OCIAD1: variants seen among roughly 807,000 people sequenced by gnomAD.
OCIAD1 encodes the protein OCIA domain-containing protein 1.
A neutral mutation model predicts 38.9 loss-of-function variants in OCIAD1; 29 were observed. The ratio of observed to expected loss-of-function variants is 0.74; its 90% CI spans 0.55 to 1.02. OCIAD1 has a LOEUF of 1.02. Ranked by LOEUF, OCIAD1 falls within the 50% of genes least tolerant of loss-of-function variation. The pLI is 0.00. For missense variants in OCIAD1, 288 were observed against 289.6 expected, an observed-to-expected ratio of 0.99 and a Z score of 0.04; for synonymous variants, 110 against 92.0, an observed-to-expected ratio of 1.20 and a Z score of -1.12.
At chr4:48,823,389 G>C (rs559594823) in intron 1 of OCIAD1, among the ~76,000 whole-genome samples, 2 of 151,990 alleles carry the variant, frequency 1.3e-5, no homozygotes, top group Non-Finnish European at 2.9e-5. Flanking sequence ...GGGACCTGTT[G>C]GTGGGGGGGT....
At chr4:48,837,263 GT>G (rs34817961) in intron 3 of OCIAD1, 67,734 of 138,566 alleles carry the variant, frequency 0.49, 16,096 homozygotes, top group South Asian at 0.59. Flanking sequence ...GTAAGCCATC[GT>G]TTTTTTTTTT....
intron 8 of OCIAD1, among the ~76,000 whole-genome samples, chr4:48,859,164 G>A (rs998275908): frequency 1.3e-5 from 2 of 152,118 alleles, no homozygotes; most frequent in South Asian, 2.1e-4. Context: ...CGGTTGCTTC[G>A]TTTGGAGTTC....
intron 1 of OCIAD1, 24 bp from the exon 2 acceptor site, chr4:48,832,596 T>C: frequency 6.3e-7 from 1 of 1,585,986 alleles, no homozygotes; most frequent in Non-Finnish European, 8.7e-7. Flanking sequence ...TTCTAATACT[T>C]AATATGTAAT....
At chr4:48,810,413 G>A (rs1403596453) in intron 1 of OCIAD1, among the ~76,000 whole-genome samples, 1 of 145,422 alleles carries the variant, frequency 6.9e-6, no homozygotes, top group Non-Finnish European at 1.5e-5. Context: ...AGCTTGCAGT[G>A]AGCCAAGATC....
At chr4:48,858,764 C>G (rs747493123) in intron 8 of OCIAD1, among the ~76,000 whole-genome samples, 4 of 152,262 alleles carry the variant, frequency 2.6e-5, no homozygotes, top group Admixed American at 6.5e-5. Context: ...CTTTCTTGTA[C>G]ATTTGTGAAT....
chr4:48,848,260 G>T, intron 4 of OCIAD1, 139 bp from the exon 5 acceptor site: 1 of 438,292 alleles, frequency 2.3e-6, no homozygotes. Flanking sequence ...GAATTCATTT[G>T]GTTTTCCCTA....
At chr4:48,851,704 A>C (rs1579100853) in intron 6 of OCIAD1, 102 bp from the exon 7 acceptor site, 2 of 568,682 alleles carry the variant, frequency 3.5e-6, no homozygotes, top group South Asian at 6.3e-5. Flanking sequence ...ATATGTATAT[A>C]TAATTTTGGA....
chr4:48,848,023 C>T (rs1410292683), intron 4 of OCIAD1, among the ~76,000 whole-genome samples: 1 of 148,962 alleles, frequency 6.7e-6, no homozygotes, highest in Non-Finnish European at 1.5e-5. Flanking sequence ...TCATATCTTT[C>T]ATTAGATTTG....
At chr4:48,831,510 A>G (rs1579045327) in intron 1 of OCIAD1, 1 of 1,290,618 alleles carries the variant, frequency 7.7e-7, no homozygotes, top group Non-Finnish European at 1.0e-6. Flanking sequence ...GGAGACGGAC[A>G]CTGGGTGGAG....
At chr4:48,851,777 T>G in intron 6 of OCIAD1, 29 bp from the exon 7 acceptor site, 1 of 1,340,556 alleles carries the variant, frequency 7.5e-7, no homozygotes, top group Non-Finnish European at 1.1e-6. Context: ...GACTCATATT[T>G]CTTACTACAA....
At chr4:48,820,278 G>C (rs938773075) in intron 1 of OCIAD1, among the ~76,000 whole-genome samples, 3 of 152,144 alleles carry the variant, frequency 2.0e-5, no homozygotes, top group African/African-American at 7.2e-5. Context: ...CATGGAAATT[G>C]AACAATCTCC....
chr4:48,807,192 G>T (rs1477625520), intron 1 of OCIAD1, among the ~76,000 whole-genome samples: 1 of 152,030 alleles, frequency 6.6e-6, no homozygotes, highest in Admixed American at 6.6e-5. Context: ...CAGTGCTTAT[G>T]AATTTGTTTA....
chr4:48,821,431 C>T (rs1385346257), intron 1 of OCIAD1, among the ~76,000 whole-genome samples: 1 of 152,228 alleles, frequency 6.6e-6, no homozygotes, highest in Non-Finnish European at 1.5e-5. Flanking sequence ...ATGACAAACG[C>T]ATAGCCAATA....
At chr4:48,834,512 A>G (rs540468807) in intron 3 of OCIAD1, among the ~76,000 whole-genome samples, 2 of 152,234 alleles carry the variant, frequency 1.3e-5, no homozygotes, top group South Asian at 4.1e-4. Context: ...CCTCATGGCT[A>G]TAATTGCAGC....
Position 48,860,773 on chromosome 4 carries a change from C to T in OCIAD1, c.*11C>T, listed in dbSNP as rs749490941. On this transcript the variant is annotated 3_prime_UTR_variant, in exon 9 of 9. Transcript: ENST00000264312. ...ACTTGGGATGAGTGAAAAATTACAT[C>T]ATTGGACATGAAGGAGTTTCAACAT... is the stretch of plus-strand genomic sequence containing the variant. The T allele has an allele frequency of 1.9e-6, 3 of 1,597,772 alleles. No individual in the cohort carries two copies. The highest frequency in any genetic ancestry group is 1.3e-5 in the African/African-American group (1 of 74,392).
intron 3 of OCIAD1, among the ~76,000 whole-genome samples, chr4:48,836,020 AG>A: frequency 6.6e-6 from 1 of 152,166 alleles, no homozygotes; most frequent in Non-Finnish European, 1.5e-5. Context: ...CATAGTAATG[AG>A]TTAAAGGTTT....
intron 3 of OCIAD1, among the ~76,000 whole-genome samples, chr4:48,835,080 TG>T (rs1777863064): frequency 2.0e-5 from 3 of 152,164 alleles, no homozygotes; most frequent in Non-Finnish European, 2.9e-5. Context: ...ACTACAGGCG[TG>T]CGCCACCATG....
In OCIAD1 at chr4:48,860,968, T is replaced by G. The variant is rs538250125; in HGVS notation, c.*206T>G. The G allele has an allele frequency of 5.5e-6, 3 of 545,620 alleles. No individual in the cohort carries two copies. The highest frequency in any genetic ancestry group is 3.7e-5 in the Admixed American group (1 of 26,792). 33.8% of individuals were successfully genotyped at this position (545,620 alleles called of 1,614,324 possible). ...TGTGTAAATGTACTCACCTTAGGGA[T>G]TCATTTGAATGATGGTATTATACCA... is the stretch of plus-strand genomic sequence containing the variant. On this transcript the variant is annotated 3_prime_UTR_variant, in exon 9 of 9. Transcript: ENST00000264312.
chr4:48,807,477 G>A (rs1209386620), intron 1 of OCIAD1, among the ~76,000 whole-genome samples: 3 of 152,168 alleles, frequency 2.0e-5, no homozygotes, highest in Admixed American at 6.5e-5. Flanking sequence ...ATAGTACCAA[G>A]TATCTATCAG....
Sources: gnomAD v4.1 joint callset for allele counts (sites outside exome capture counted in the v4.1 genomes callset) on GRCh38, gnomAD v4.1.1 for gene constraint, MANE v1.5 for transcripts, NCBI Gene and HGNC (gene_info 2026-07-23, HGNC 2026-07-21) for gene names.